The following ADGRB3 variants were observed in gnomAD, a reference collection of about 807,000 sequenced individuals.
ADGRB3 encodes brain-specific angiogenesis inhibitor 3.
In ADGRB3, 37 loss-of-function variants were observed where a neutral mutation model predicts 193.4. The ratio of observed to expected loss-of-function variants is 0.19; its 90% confidence interval spans 0.15 to 0.25. ADGRB3 has a LOEUF of 0.25. ADGRB3 is among the 10% of genes least tolerant of loss of function. The pLI is 1.00. For synonymous variants in ADGRB3, 690 were observed against 644.2 expected, an observed-to-expected ratio of 1.07 and a Z score of -1.08; for missense variants, 1,637 against 1,852.9, an observed-to-expected ratio of 0.88 and a Z score of 2.14.
intron 3 of ADGRB3, among the ~76,000 whole-genome samples, chr6:68,693,952 C>T (rs1490425984): frequency 1.3e-5 from 2 of 152,000 alleles, no homozygotes; most frequent in African/African-American, 2.4e-5. Context: ...TTTCATAAAA[C>T]TAAGTAATGC....
At chr6:68,734,019 A>G (rs1348545893) in intron 3 of ADGRB3, among the ~76,000 whole-genome samples, 1 of 152,008 alleles carries the variant, frequency 6.6e-6, no homozygotes, top group Non-Finnish European at 1.5e-5. Flanking sequence ...TTTAAAAATA[A>G]TAAAATATAT....
intron 26 of ADGRB3, among the ~76,000 whole-genome samples, chr6:69,348,111 T>C (rs1448733475): frequency 6.6e-6 from 1 of 152,154 alleles, no homozygotes; most frequent in African/African-American, 2.4e-5. Flanking sequence ...TTTTCACACA[T>C]GGTTCTCCTA....
intron 3 of ADGRB3, among the ~76,000 whole-genome samples, chr6:68,648,831 A>G (rs1007802779): frequency 2.6e-5 from 4 of 151,488 alleles, no homozygotes; most frequent in African/African-American, 9.7e-5. Flanking sequence ...CCTAAACACT[A>G]ATAATTTGTT....
intron 20 of ADGRB3, among the ~76,000 whole-genome samples, chr6:69,260,151 A>G (rs1442583047): frequency 6.6e-6 from 1 of 152,228 alleles, no homozygotes; most frequent in East Asian, 1.9e-4. Flanking sequence ...TGAAGGAGGA[A>G]CACATTAACA....
intron 17 of ADGRB3, among the ~76,000 whole-genome samples, chr6:69,135,288 C>A (rs1774119470): frequency 6.8e-6 from 1 of 148,140 alleles, no homozygotes; most frequent in African/African-American, 2.5e-5. Flanking sequence ...ATCACAACTA[C>A]TTTTTTTTTT....
intron 3 of ADGRB3, among the ~76,000 whole-genome samples, chr6:68,733,494 G>A (rs1482045982): frequency 6.6e-6 from 1 of 151,786 alleles, no homozygotes; most frequent in Non-Finnish European, 1.5e-5. Flanking sequence ...AAAGGGGGAA[G>A]AAGGGAGGAA....
intron 3 of ADGRB3, among the ~76,000 whole-genome samples, chr6:68,827,434 A>T (rs1239172455): frequency 2.0e-5 from 3 of 152,102 alleles, no homozygotes; most frequent in Admixed American, 6.6e-5. Context: ...GAGCAGCGAT[A>T]AAAGAGATTT....
In ADGRB3 at chr6:69,389,335, A is replaced by T. The variant is rs185758075; in HGVS notation, c.*444A>T. ...ATTAAATGAATGTTTGTTGAGCTACATTCTTCATTGCTTTAAATGCAATAA... is the reference window on the plus strand; with the variant it reads ...ATTAAATGAATGTTTGTTGAGCTACTTTCTTCATTGCTTTAAATGCAATAA... On this transcript the variant is annotated 3_prime_UTR_variant, in exon 32 of 32. Coordinates refer to ENST00000370598, the MANE Select transcript of ADGRB3 (RefSeq NM_001704.3). 1 of 153,524 alleles carries T rather than the reference A, an allele frequency of 6.5e-6. No individual in the cohort carries two copies. Among genetic ancestry groups the T allele is most frequent in the African/African-American group, 2.4e-5 (1 of 41,606 alleles). 9.5% of individuals were successfully genotyped at this position (153,524 alleles called of 1,614,324 possible).
intron 3 of ADGRB3, among the ~76,000 whole-genome samples, chr6:68,904,572 C>A (rs904127649): frequency 6.6e-6 from 1 of 152,132 alleles, no homozygotes; most frequent in East Asian, 1.9e-4. Context: ...TAAATGGAAT[C>A]ATTGCTGATT....
intron 16 of ADGRB3, 50 bp downstream of exon 16, chr6:69,063,086 A>G: frequency 1.4e-6 from 2 of 1,379,412 alleles, no homozygotes; most frequent in Non-Finnish European, 2.1e-6. Flanking sequence ...TACCTTTCTA[A>G]CAGTCATTCT....
chr6:69,308,330 T>C (rs911456277), intron 20 of ADGRB3, among the ~76,000 whole-genome samples: 4 of 151,532 alleles, frequency 2.6e-5, no homozygotes, highest in Non-Finnish European at 4.4e-5. Context: ...TATTAAATAC[T>C]ATGTAAAATC....
intron 13 of ADGRB3, among the ~76,000 whole-genome samples, chr6:69,047,145 C>T (rs1482970599): frequency 6.6e-6 from 1 of 152,202 alleles, no homozygotes; most frequent in Non-Finnish European, 1.5e-5. Flanking sequence ...AGGCGTGAGC[C>T]ACCGCACCCA....
At chr6:69,360,243 A>T (rs1032043628) in intron 28 of ADGRB3, among the ~76,000 whole-genome samples, 4 of 151,856 alleles carry the variant, frequency 2.6e-5, no homozygotes, top group Non-Finnish European at 4.4e-5. Flanking sequence ...TTAATTTTTT[A>T]AATTTTCTTT....
intron 3 of ADGRB3, among the ~76,000 whole-genome samples, chr6:68,916,487 T>C (rs578060674): frequency 6.6e-6 from 1 of 152,320 alleles, no homozygotes; most frequent in Admixed American, 6.5e-5. Context: ...ATATTCCTAC[T>C]CCTGTGAAGC....
At chr6:68,681,724 CAAAAATTAGAT>C (rs1421876128) in intron 3 of ADGRB3, among the ~76,000 whole-genome samples, 1 of 150,694 alleles carries the variant, frequency 6.6e-6, no homozygotes, top group Admixed American at 6.6e-5. Context: ...TCAAAAACAA[CAAAAATTAGAT>C]TATAATAGGA....
chr6:69,080,616 A>T (rs1050176585), intron 17 of ADGRB3, among the ~76,000 whole-genome samples: 11 of 151,850 alleles, frequency 7.2e-5, no homozygotes, highest in Non-Finnish European at 1.2e-4. Flanking sequence ...TCTTCTACAG[A>T]CTCATAATTA....
intron 3 of ADGRB3, among the ~76,000 whole-genome samples, chr6:68,764,537 T>G (rs188018558): frequency 2.6e-5 from 4 of 152,062 alleles, no homozygotes; most frequent in African/African-American, 9.6e-5. Flanking sequence ...ACCAGAATCA[T>G]AAATAAAGAC....
chr6:69,229,502 CAA>C (rs1161521244), intron 17 of ADGRB3, among the ~76,000 whole-genome samples: 9 of 152,034 alleles, frequency 5.9e-5, no homozygotes, highest in African/African-American at 1.4e-4. Flanking sequence ...CCTAATATCC[CAA>C]GAGTTAATAA....
At position 69,170,204 on chromosome 6, in the gene ADGRB3, G is replaced by T. The variant is rs1029821895; in HGVS notation, c.2481-63086G>T. Among the ~76,000 whole-genome samples the T allele has an allele frequency of 5.7e-4, 86 of 152,054 alleles. 1 individual carries two copies. Among genetic ancestry groups the T allele is most frequent in the African/African-American group, 1.9e-3 (79 of 41,408 alleles). ...GTAATTTTCCAAATTTTTATAATAAGGCCAAGTCTGAGACTGTTTTTCCTT... is the reference window on the plus strand; with the variant it reads ...GTAATTTTCCAAATTTTTATAATAATGCCAAGTCTGAGACTGTTTTTCCTT... On this transcript the variant is annotated intron_variant, in intron 17 of 31. Transcript: ENST00000370598.
Sources: gnomAD v4.1 joint callset for allele counts (sites outside exome capture counted in the v4.1 genomes callset) on GRCh38, gnomAD v4.1.1 for gene constraint, MANE v1.5 for transcripts, NCBI Gene and HGNC (gene_info 2026-07-23, HGNC 2026-07-21) for gene names.